LPP: variants seen among roughly 807,000 people sequenced by gnomAD.
LPP encodes lipoma-preferred partner.
LPP carries 38 observed loss-of-function variants against 60.4 expected under a neutral mutation model. The ratio of observed to expected loss-of-function variants is 0.63; its 90% CI spans 0.49 to 0.83. The LOEUF is 0.83. Among genes scored for constraint, LPP ranks in the 40% least tolerant of loss-of-function variants. The pLI, the probability that LPP is intolerant of heterozygous loss-of-function variation, is 0.00. For synonymous variants in LPP, 328 were observed against 290.8 expected (o/e 1.13, Z -1.30); for missense variants, 902 against 783.6 (o/e 1.15, Z -1.80).
At chr3:188,532,592 G>C (rs529317676) in intron 6 of LPP, among the ~76,000 whole-genome samples, 61 of 152,326 alleles carry the variant, frequency 4.0e-4, no homozygotes, top group Non-Finnish European at 7.2e-4. Flanking sequence ...GTTTGCCAAC[G>C]GGAAGAGCAT....
intron 7 of LPP, among the ~76,000 whole-genome samples, chr3:188,690,168 G>A (rs551451668): frequency 6.6e-6 from 1 of 152,308 alleles, no homozygotes; most frequent in East Asian, 1.9e-4. Flanking sequence ...AAGCAGGCGA[G>A]ATGCAGAGAG....
chr3:188,599,789 T>TGTGTGG (rs1560616663), intron 6 of LPP, among the ~76,000 whole-genome samples: 3 of 135,774 alleles, frequency 2.2e-5, no homozygotes, highest in Admixed American at 7.4e-5. Context: ...TGTGTGTGTG[T>TGTGTGG]GGTGTGTGCT....
rs997671506 is a variant in LPP, at chr3:188,217,231, C to T, written c.-189-8174C>T. Among the ~76,000 whole-genome samples, 3 of 152,120 alleles carry T rather than the reference C, an allele frequency of 2.0e-5. No homozygotes were observed. Among genetic ancestry groups the T allele is most frequent in the Non-Finnish European group, 2.9e-5 (2 of 68,036 alleles). On this transcript the variant is annotated intron_variant, in intron 1 of 11. Coordinates refer to ENST00000617246, the MANE Select transcript of LPP (RefSeq NM_001375462.1). The surrounding 1 kb of genome is among the most constrained non-coding windows in gnomAD (Gnocchi z 4.0). ...GCTGAGATCTGAGTGACAAGGAGGC[C>T]ACCTTGTAGAAGTTGGGGGAAGAGC...
intron 4 of LPP, among the ~76,000 whole-genome samples, chr3:188,440,517 A>G (rs750470462): frequency 3.9e-5 from 6 of 152,190 alleles, no homozygotes; most frequent in Non-Finnish European, 8.8e-5. Context: ...CTTTTTAAAT[A>G]TAGGAAACCA....
In LPP at chr3:188,512,520, T is replaced by C. The variant is rs1306056805; in HGVS notation, c.307-12145T>C. Among the ~76,000 whole-genome samples, 10 of 151,708 alleles carry C rather than the reference T, an allele frequency of 6.6e-5. No homozygotes were observed. In the East Asian group the frequency reaches 1.9e-3, roughly 29 times the overall value. ...TGAGCCAAGGTTGCAGTGAGTGCCA[T>C]TGCGCTCTAGTCTGGGCAACAAGAG... On this transcript the variant is annotated intron_variant, in intron 5 of 11. Coordinates refer to ENST00000617246, the MANE Select transcript of LPP (RefSeq NM_001375462.1).
At chr3:188,418,430 T>C (rs968578585) in intron 4 of LPP, among the ~76,000 whole-genome samples, 2 of 152,150 alleles carry the variant, frequency 1.3e-5, no homozygotes, top group African/African-American at 2.4e-5. Context: ...GTAAAAAAGT[T>C]ATTATCACCC....
chr3:188,650,423 T>G (rs1851860505), intron 7 of LPP, among the ~76,000 whole-genome samples: 1 of 152,200 alleles, frequency 6.6e-6, no homozygotes, highest in Non-Finnish European at 1.5e-5. Context: ...AGCGGGGACA[T>G]AACATCTTCT....
At chr3:188,364,820 A>G (rs1770629377) in intron 3 of LPP, among the ~76,000 whole-genome samples, 1 of 152,204 alleles carries the variant, frequency 6.6e-6, no homozygotes, top group Non-Finnish European at 1.5e-5. Context: ...GTGGGACCTA[A>G]GTTCCAGCAC....
intron 6 of LPP, among the ~76,000 whole-genome samples, chr3:188,539,475 A>G (rs1824542819): frequency 6.6e-6 from 1 of 152,148 alleles, no homozygotes; most frequent in Non-Finnish European, 1.5e-5. Context: ...GTATCTAGGA[A>G]CTGAGGAAGG....
intron 7 of LPP, among the ~76,000 whole-genome samples, chr3:188,643,336 G>A (rs1850525235): frequency 6.6e-6 from 1 of 152,114 alleles, no homozygotes; most frequent in Admixed American, 6.5e-5. Flanking sequence ...TGCATTTTAA[G>A]CTCCAAGACT....
At position 188,845,432 on chromosome 3, in the gene LPP, T is replaced by G. The variant is rs141625255; in HGVS notation, c.1411-20768T>G. The stretch of plus-strand genomic sequence containing the variant: ...AAGTTCAGTGGGCTTGAGGGAGGAT[T>G]ACTGAATTACAATAATATCCACACC... On this transcript the variant is annotated intron_variant, in intron 9 of 11. Coordinates refer to ENST00000617246, the MANE Select transcript of LPP (RefSeq NM_001375462.1). Among the ~76,000 whole-genome samples, 1,209 of 152,270 alleles carry G rather than the reference T, an allele frequency of 7.9e-3. 59 individuals are homozygous for G. The highest frequency in any genetic ancestry group is 0.068 in the Admixed American group (1,046 of 15,294).
intron 9 of LPP, among the ~76,000 whole-genome samples, chr3:188,781,253 A>G (rs1158378215): frequency 6.6e-6 from 1 of 152,254 alleles, no homozygotes; most frequent in Non-Finnish European, 1.5e-5. Flanking sequence ...GAAGGTGGAC[A>G]CATGAGTGAT....
intron 9 of LPP, among the ~76,000 whole-genome samples, chr3:188,798,131 A>G (rs1190329493): frequency 2.6e-5 from 4 of 152,218 alleles, no homozygotes. Flanking sequence ...TGCATGACAT[A>G]TAAAATATAA....
chr3:188,763,918 A>T (rs1196426443), intron 9 of LPP, among the ~76,000 whole-genome samples: 1 of 152,138 alleles, frequency 6.6e-6, no homozygotes, highest in East Asian at 1.9e-4. Flanking sequence ...TTTCTTTAGA[A>T]ATATTTTTCT....
At chr3:188,603,642 T>G (rs1841874206) in intron 6 of LPP, among the ~76,000 whole-genome samples, 1 of 152,204 alleles carries the variant, frequency 6.6e-6, no homozygotes, top group Admixed American at 6.6e-5. Context: ...TTGCTATTAT[T>G]ACACATTTTT....
At chr3:188,679,519 CTGTGTGT>C (rs1858934269) in intron 7 of LPP, among the ~76,000 whole-genome samples, 2 of 143,204 alleles carry the variant, frequency 1.4e-5, no homozygotes, top group East Asian at 4.2e-4. Flanking sequence ...TTTGAATACT[CTGTGTGT>C]GTGTGTGTGT....
At chr3:188,278,923 T>C (rs1740968923) in intron 2 of LPP, among the ~76,000 whole-genome samples, 1 of 152,214 alleles carries the variant, frequency 6.6e-6, no homozygotes, top group Non-Finnish European at 1.5e-5. Context: ...AGCATTTTTG[T>C]ATTACTTTAC....
At chr3:188,305,006 A>C (rs1751061377) in intron 2 of LPP, among the ~76,000 whole-genome samples, 1 of 152,176 alleles carries the variant, frequency 6.6e-6, no homozygotes, top group Non-Finnish European at 1.5e-5. Context: ...AGACTGATAC[A>C]TTTCCTAGCT....
intron 1 of LPP, among the ~76,000 whole-genome samples, chr3:188,199,716 T>G (rs545202138): frequency 2.0e-5 from 3 of 152,188 alleles, no homozygotes; most frequent in South Asian, 4.1e-4. Context: ...ATTTTGGATT[T>G]TTTTTTTTTT....
Sources: allele counts gnomAD v4.1 joint callset (sites outside exome capture counted in the v4.1 genomes callset), GRCh38; gene constraint gnomAD v4.1.1; non-coding constraint Gnocchi (gnomAD v3.1); transcripts MANE v1.5; gene names NCBI Gene and HGNC (gene_info 2026-07-23, HGNC 2026-07-21).